NSD2: variants seen among roughly 807,000 people sequenced by gnomAD.
The protein encoded by NSD2 is histone-lysine N-methyltransferase NSD2.
Under a neutral mutation model 139.0 loss-of-function variants are expected in NSD2, and 12 were observed. The observed-to-expected ratio is 0.09, with a 90% CI of 0.06 to 0.14. The LOEUF (loss-of-function observed/expected upper bound fraction) is 0.14. Among genes scored for constraint, NSD2 ranks in the 10% least tolerant of loss-of-function variants. The pLI, the probability that NSD2 is intolerant of heterozygous loss-of-function variation, is 1.00. For synonymous variants in NSD2, 669 were observed against 648.7 expected (o/e 1.03, Z -0.48); for missense variants, 1,155 against 1,745.0 (o/e 0.66, Z 6.02).
At chr4:1,919,868 G>A (rs1230193226) in intron 5 of NSD2, among the ~76,000 whole-genome samples, 4 of 151,682 alleles carry the variant, frequency 2.6e-5, no homozygotes, top group African/African-American at 7.3e-5. Context: ...CCAGGGAGTC[G>A]GAGGTTGCAG....
At chr4:1,959,232 T>A (rs1232878549) in intron 16 of NSD2, among the ~76,000 whole-genome samples, 1 of 152,082 alleles carries the variant, frequency 6.6e-6, no homozygotes, top group Non-Finnish European at 1.5e-5. Flanking sequence ...GCACAGACAC[T>A]AAGATAAAAT....
chr4:1,947,132 A>T (rs1723718123), intron 9 of NSD2: 1 of 1,065,164 alleles, frequency 9.4e-7, no homozygotes, highest in Non-Finnish European at 1.1e-6. Flanking sequence ...GACAGTGCAC[A>T]GCCTGCTGTC....
chr4:1,982,094 G>C lies in NSD2; in HGVS notation c.*3185G>C. The C allele has an allele frequency of 2.5e-6, 1 of 396,868 alleles. No individual in the cohort carries two copies. Among genetic ancestry groups the C allele is most frequent in the Middle Eastern group, 6.3e-4 (1 of 1,582 alleles). The allele number at this position is 396,868 out of a possible 1,614,324, so 24.6% of individuals were successfully genotyped here. On this transcript the variant is annotated 3_prime_UTR_variant, in exon 22 of 22. Transcript: ENST00000508803. ...GGGGAGGGATATACTGAAATAGAGA[G>C]TTGAGACTTGCCAGTTGGGGGAAAA...
intron 21 of NSD2, among the ~76,000 whole-genome samples, chr4:1,977,800 A>G (rs1355736810): frequency 9.9e-5 from 15 of 151,016 alleles, no homozygotes; most frequent in Admixed American, 2.0e-4. Context: ...CAAAAAAAAA[A>G]AAAACCAAAC....
chr4:1,881,424 G>A (rs538694536), intron 1 of NSD2, among the ~76,000 whole-genome samples: 7 of 152,206 alleles, frequency 4.6e-5, no homozygotes, highest in African/African-American at 1.4e-4. Context: ...TGCCACGCCC[G>A]GTTGATTTTT....
intron 5 of NSD2, among the ~76,000 whole-genome samples, chr4:1,925,614 G>T (rs1720793012): frequency 1.3e-5 from 2 of 151,324 alleles, no homozygotes; most frequent in East Asian, 3.9e-4. Context: ...GGCCAGGCTG[G>T]TCTTGAACTC....
chr4:1,882,641 G>T (rs548386467), intron 1 of NSD2, among the ~76,000 whole-genome samples: 1 of 152,228 alleles, frequency 6.6e-6, no homozygotes, highest in East Asian at 1.9e-4. Flanking sequence ...TCCAGCTTGG[G>T]CGACAGAGCA....
At position 1,978,711 on chromosome 4, in the gene NSD2, C is replaced by T. The variant is rs75949599; in HGVS notation, c.3900C>T (p.Pro1300=). 2,901 of 1,614,142 alleles carry T rather than the reference C, an allele frequency of 1.8e-3. 51 individuals carry two copies. In the African/African-American group the frequency reaches 0.034, roughly 19 times the overall value. ...CGACTTCATTTTGCCACCTCTGCCCCAATTCGTTCTGTAAGGAGCACCAGG... is the reference window on the plus strand; with the variant it reads ...CGACTTCATTTTGCCACCTCTGCCCTAATTCGTTCTGTAAGGAGCACCAGG... ...KPSTSFCHLC[P]NSFCKEHQDG... Residue 1300 remains proline, a synonymous_variant, in exon 22 of 22, where the codon CCC becomes CCT. Transcript: ENST00000508803.
At chr4:1,879,360 A>G (rs1207368429) in intron 1 of NSD2, among the ~76,000 whole-genome samples, 1 of 151,934 alleles carries the variant, frequency 6.6e-6, no homozygotes, top group Non-Finnish European at 1.5e-5. Context: ...CTGGGACTAC[A>G]GGCGCCCGCC....
rs1724756514 is a variant in NSD2, at chr4:1,955,858, CAT to C, written c.2675+11_2675+12del. ...AAACTTGGGAACTACAGGTGTGAGA[CAT>C]AGAATCGTATGCTTTTATGTCTTTT... On this transcript the variant is annotated intron_variant, in intron 14 of 21. Transcript: ENST00000508803. The surrounding 1 kb of genome is among the most constrained non-coding windows in gnomAD (Gnocchi z 4.7). The C allele has an allele frequency of 6.2e-7, 1 of 1,613,076 alleles. No individual in the cohort carries two copies. The highest frequency in any genetic ancestry group is 8.5e-7 in the Non-Finnish European group (1 of 1,179,048).
At chr4:1,915,705 G>A (rs1323355246) in intron 3 of NSD2, among the ~76,000 whole-genome samples, 3 of 152,158 alleles carry the variant, frequency 2.0e-5, no homozygotes, top group African/African-American at 7.2e-5. Context: ...CTTTGCATTA[G>A]AGGGTCTGAT....
In NSD2 at chr4:1,956,792, G is replaced by A. The variant is rs1043430019; in HGVS notation, c.2881+604G>A. 2.6e-5 allele frequency among the ~76,000 whole-genome samples: 4 copies of A among 152,336 alleles called. No homozygotes were observed. The highest frequency in any genetic ancestry group is 2.1e-4 in the South Asian group (1 of 4,830). On this transcript the variant is annotated intron_variant, in intron 15 of 21. Transcript: ENST00000508803. The surrounding 1 kb of genome is among the most constrained non-coding windows in gnomAD (Gnocchi z 5.3). ...AACCCGAGGTGTGTGCATGTGGCTC[G>A]TTCAGGGAGAAGCACACGCTGTGTT...
chr4:1,958,637 C>T lies in NSD2; in HGVS notation c.2985+601C>T, dbSNP rs73202834. Among the ~76,000 whole-genome samples, 904 of 152,352 alleles carry T rather than the reference C, an allele frequency of 5.9e-3. 4 individuals are homozygous for T. Among genetic ancestry groups the T allele is most frequent in the Non-Finnish European group, 8.4e-3 (572 of 68,038 alleles). On this transcript the variant is annotated intron_variant, in intron 16 of 21. Transcript: ENST00000508803. The surrounding 1 kb of genome is among the most constrained non-coding windows in gnomAD (Gnocchi z 4.6). The stretch of plus-strand genomic sequence containing the variant: ...ACGAGTGTTTGTGATAAGTGTGTGC[C>T]GGAGGTCAGGTGCTCTGCCTTTGCT...
intron 18 of NSD2, among the ~76,000 whole-genome samples, chr4:1,966,832 A>C (rs148279921): frequency 2.6e-5 from 4 of 152,296 alleles, no homozygotes; most frequent in African/African-American, 9.6e-5. Context: ...TCAATACATA[A>C]AGATGTGATT....
intron 1 of NSD2, among the ~76,000 whole-genome samples, chr4:1,898,634 T>G (rs1716721372): frequency 1.4e-5 from 2 of 145,672 alleles, no homozygotes; most frequent in South Asian, 2.1e-4. Flanking sequence ...CAGTCCAACC[T>G]GGGTGACAGA....
intron 1 of NSD2, chr4:1,887,490 T>C (rs1213321309): frequency 1.3e-5 from 2 of 152,070 alleles, no homozygotes; most frequent in Non-Finnish European, 2.9e-5. Context: ...TTATTTATAT[T>C]TTATTGGTGA....
In NSD2 at chr4:1,955,130, G is replaced by C; in HGVS notation, c.2339-31G>C. 6.3e-7 allele frequency: 1 copy of C among 1,577,926 alleles called. No homozygotes were observed. The highest frequency in any genetic ancestry group is 8.7e-7 in the Non-Finnish European group (1 of 1,151,844). ...TCACTATGACTGGAGTCAGTGTTTG[G>C]GGTCCTTAGGGTGTGTTTCTTTGCC... is the stretch of plus-strand genomic sequence containing the variant. On this transcript the variant is annotated intron_variant, in intron 12 of 21. Coordinates refer to ENST00000508803, the MANE Select transcript of NSD2 (RefSeq NM_001042424.3). This position sits in a 1 kb window ranked among gnomAD's most constrained non-coding sequence, Gnocchi z 4.7.
intron 1 of NSD2, among the ~76,000 whole-genome samples, chr4:1,890,325 G>T (rs1156522524): frequency 1.5e-4 from 23 of 151,422 alleles, no homozygotes; most frequent in African/African-American, 5.3e-4. Context: ...TTGAGATGGC[G>T]TCTCGCTCTG....
rs564553627 is a variant in NSD2 at position 1,877,414 on chromosome 4, C to G, written c.-30+5872C>G. ...AGTCTCTCACTGGCTTTCTGACTCTCACTGCACTACTTGTTTTGCCCTCAT... is the reference window on the plus strand; with the variant it reads ...AGTCTCTCACTGGCTTTCTGACTCTGACTGCACTACTTGTTTTGCCCTCAT... On this transcript the variant is annotated intron_variant, in intron 1 of 21. Transcript: ENST00000508803. Among the ~76,000 whole-genome samples, 3 of 152,326 alleles carry G rather than the reference C, an allele frequency of 2.0e-5. No individual in the cohort carries two copies. In the East Asian group the frequency reaches 5.8e-4, roughly 29 times the overall value.
Sources: allele counts gnomAD v4.1 joint callset (sites outside exome capture counted in the v4.1 genomes callset), GRCh38; gene constraint gnomAD v4.1.1; non-coding constraint Gnocchi (gnomAD v3.1); transcripts MANE v1.5; gene names NCBI Gene and HGNC (gene_info 2026-07-23, HGNC 2026-07-21).